The following CNST variants were observed in gnomAD, a reference collection of about 807,000 sequenced individuals.
The protein encoded by CNST is consortin.
In CNST, 39 loss-of-function variants were observed where a neutral mutation model predicts 72.4. The observed-to-expected ratio is 0.54, with a 90% CI of 0.42 to 0.70. The LOEUF (loss-of-function observed/expected upper bound fraction) is 0.70. Among genes scored for constraint, CNST ranks in the 30% least tolerant of loss-of-function variants. The pLI is 0.00. For missense variants in CNST, 871 were observed against 868.5 expected (o/e 1.00, Z -0.04); for synonymous variants, 332 against 320.1 (o/e 1.04, Z -0.40).
intron 9 of CNST, among the ~76,000 whole-genome samples, chr1:246,655,848 A>C (rs1001525019): frequency 6.6e-6 from 1 of 152,188 alleles, no homozygotes; most frequent in Non-Finnish European, 1.5e-5. Context: ...AAGGCTTCTA[A>C]AAGAGAGTTG....
chr1:246,594,108 CT>C (rs1661724171), intron 2 of CNST, among the ~76,000 whole-genome samples: 1 of 152,150 alleles, frequency 6.6e-6, no homozygotes, highest in Non-Finnish European at 1.5e-5. Context: ...TCAGTCATAG[CT>C]TTAAGATTGT....
At chr1:246,619,551 C>A (rs760146459) in intron 2 of CNST, among the ~76,000 whole-genome samples, 1 of 152,100 alleles carries the variant, frequency 6.6e-6, no homozygotes, top group Non-Finnish European at 1.5e-5. Context: ...TGCAACCTAG[C>A]GTCATACGAG....
intron 10 of CNST, among the ~76,000 whole-genome samples, chr1:246,660,761 A>G (rs1428554282): frequency 2.0e-5 from 3 of 152,180 alleles, no homozygotes; most frequent in African/African-American, 7.2e-5. Flanking sequence ...AGAATATGTC[A>G]GTTTAGTTGC....
chr1:246,647,299 C>G lies in CNST; in HGVS notation c.1098C>G (p.Ser366Arg), dbSNP rs746050547. The G allele has an allele frequency of 6.2e-7, 1 of 1,613,990 alleles. No homozygotes were observed. Among genetic ancestry groups the G allele is most frequent in the Non-Finnish European group, 8.5e-7 (1 of 1,180,028 alleles). Residue 366 changes from serine to arginine, a missense_variant, in exon 9 of 11, where the codon AGC becomes AGG. Transcript: ENST00000366513. ...GKDHMEELLC[S>R]AEATLALHTQ... Reference sequence around the variant, plus strand: ...ACCACATGGAGGAGCTGCTCTGCAGCGCTGAAGCCACGTTAGCGCTCCACA... The same window carrying G: ...ACCACATGGAGGAGCTGCTCTGCAGGGCTGAAGCCACGTTAGCGCTCCACA...
intron 1 of CNST, among the ~76,000 whole-genome samples, chr1:246,578,135 G>A (rs1238583600): frequency 1.3e-5 from 2 of 152,044 alleles, no homozygotes; most frequent in Non-Finnish European, 2.9e-5. Context: ...ATGTTTTGGT[G>A]AGGATTGTAA....
chr1:246,598,666 AT>A (rs1227375374), intron 2 of CNST, among the ~76,000 whole-genome samples: 1 of 152,192 alleles, frequency 6.6e-6, no homozygotes, highest in African/African-American at 2.4e-5. Flanking sequence ...TATGGAGACA[AT>A]TGGGTAATAT....
chr1:246,617,123 C>G (rs745740108), intron 2 of CNST, among the ~76,000 whole-genome samples: 7 of 151,742 alleles, frequency 4.6e-5, no homozygotes, highest in Non-Finnish European at 8.8e-5. Context: ...GCATATTATC[C>G]CTTACTAAAA....
intron 2 of CNST, among the ~76,000 whole-genome samples, chr1:246,609,129 T>C (rs1663129862): frequency 6.6e-6 from 1 of 152,198 alleles, no homozygotes; most frequent in South Asian, 2.1e-4. Flanking sequence ...AATCACATAA[T>C]ACATTCTTTT....
At chr1:246,595,118 T>C (rs1422143808) in intron 2 of CNST, among the ~76,000 whole-genome samples, 2 of 152,194 alleles carry the variant, frequency 1.3e-5, no homozygotes. Context: ...GAGGCGGGAC[T>C]GAGTGTCCTG....
In CNST at chr1:246,667,693, A is replaced by AGCTAT. The variant is rs1412944168; in HGVS notation, c.*1788_*1789insGCTAT. On this transcript the variant is annotated 3_prime_UTR_variant, in exon 11 of 11. Coordinates refer to ENST00000366513, the MANE Select transcript of CNST (RefSeq NM_152609.3). Reference sequence around the variant, plus strand: ...TGTAAAATGTTGACGGTACTATATTAAGTGGTTCTATAAAAGCTATTCACA... The same window carrying AGCTAT: ...TGTAAAATGTTGACGGTACTATATTAGCTATAGTGGTTCTATAAAAGCTATTCACA... 1 of 152,246 alleles carries AGCTAT rather than the reference A, an allele frequency of 6.6e-6. No individual in the cohort carries two copies. Among genetic ancestry groups the AGCTAT allele is most frequent in the Non-Finnish European group, 1.5e-5 (1 of 68,042 alleles). The allele number at this position is 152,246 out of a possible 1,614,324, so 9.4% of individuals were successfully genotyped here. A position where few individuals can be genotyped will look rare whatever the true frequency, so the allele number is the denominator to read the frequency against.
At chr1:246,567,240 C>T (rs971169249) in intron 1 of CNST, among the ~76,000 whole-genome samples, 4 of 152,140 alleles carry the variant, frequency 2.6e-5, no homozygotes, top group Non-Finnish European at 5.9e-5. Flanking sequence ...CTTTAGGATG[C>T]TTACTGTATT....
chr1:246,592,303 AT>A (rs1256210395), intron 2 of CNST, among the ~76,000 whole-genome samples: 1 of 152,178 alleles, frequency 6.6e-6, no homozygotes, highest in African/African-American at 2.4e-5. Flanking sequence ...CCTGGCCAAC[AT>A]GGTGAAACGC....
intron 1 of CNST, among the ~76,000 whole-genome samples, chr1:246,586,107 A>ATGTGTGTGTGTG (rs1328922749): frequency 0.028 from 1,186 of 42,076 alleles, 6 homozygotes; most frequent in Middle Eastern, 0.062. Context: ...ATATATATAT[A>ATGTGTGTGTGTG]TATATGTGTG....
intron 8 of CNST, among the ~76,000 whole-genome samples, chr1:246,645,846 T>G (rs1666032385): frequency 6.6e-6 from 1 of 152,068 alleles, no homozygotes; most frequent in Non-Finnish European, 1.5e-5. Flanking sequence ...CACACGGAGG[T>G]TTTTAACTGT....
intron 1 of CNST, among the ~76,000 whole-genome samples, chr1:246,568,069 G>A (rs1182596689): frequency 1.3e-5 from 2 of 152,100 alleles, no homozygotes; most frequent in Non-Finnish European, 2.9e-5. Flanking sequence ...GGGAGGCCAA[G>A]GTGGGAGGAT....
At chr1:246,598,798 G>T (rs1274714023) in intron 2 of CNST, among the ~76,000 whole-genome samples, 1 of 152,158 alleles carries the variant, frequency 6.6e-6, no homozygotes, top group Non-Finnish European at 1.5e-5. Context: ...CTAAGCCCCT[G>T]TAAGCAGAAT....
rs1324773167 is a variant in CNST, at chr1:246,665,837, A to G, written c.2110A>G (p.Met704Val). The G allele has an allele frequency of 2.5e-6, 4 of 1,614,086 alleles. No individual in the cohort carries two copies. The highest frequency in any genetic ancestry group is 1.7e-4 in the Middle Eastern group (1 of 6,020). ...TGTTTGTACTGACTTTGCAGACAAC[A>G]TGGACTTCTATTACACTAAGTTACT... ...SPVCTDFADN[M>V]DFYYTKLLQG... Residue 704 changes from methionine (M) to valine (V), a missense_variant, in exon 11 of 11, where the codon ATG becomes GTG. Transcript: ENST00000366513.
chr1:246,642,772 G>GTATGTATACATTTCTA, intron 8 of CNST, among the ~76,000 whole-genome samples: 1 of 48,408 alleles, frequency 2.1e-5, no homozygotes, highest in African/African-American at 7.3e-5. Context: ...TATTGAAGAG[G>GTATGTATACATTTCTA]AAGTATCAGG....
chr1:246,647,766 T>A lies in CNST; in HGVS notation c.1565T>A (p.Leu522Gln), dbSNP rs1666197860. 6.2e-7 allele frequency: 1 copy of A among 1,614,090 alleles called. No individual in the cohort carries two copies. Among genetic ancestry groups the A allele is most frequent in the African/African-American group, 1.3e-5 (1 of 74,934 alleles). Residue 522 changes from leucine to glutamine, a missense_variant, in exon 9 of 11, where the codon CTG (leucine) becomes CAG (glutamine). Coordinates refer to ENST00000366513, the MANE Select transcript of CNST (RefSeq NM_152609.3). Reference sequence around the variant, plus strand: ...AATCAAATATCTGACTTAGGCATACTGCTTCCAGAGGTGTGTATGGCCCCA... The same window carrying A: ...AATCAAATATCTGACTTAGGCATACAGCTTCCAGAGGTGTGTATGGCCCCA... ...GNNQISDLGI[L>Q]LPEVCMAPEE...
Sources: allele counts gnomAD v4.1 joint callset (sites outside exome capture counted in the v4.1 genomes callset), GRCh38; gene constraint gnomAD v4.1.1; transcripts MANE v1.5; gene names NCBI Gene and HGNC (gene_info 2026-07-23, HGNC 2026-07-21).